The following ZNF438 variants were observed in gnomAD, a reference collection of about 807,000 sequenced individuals.
The protein encoded by ZNF438 is zinc finger protein 438.
In ZNF438, 25 loss-of-function variants were observed where a neutral mutation model predicts 38.0. That is an observed-to-expected ratio of 0.66 (90% CI 0.48 to 0.92). The LOEUF (loss-of-function observed/expected upper bound fraction) is 0.92. Among genes scored for constraint, ZNF438 ranks in the 40% least tolerant of loss-of-function variants. ZNF438 has a pLI of 0.00. For synonymous variants in ZNF438, 372 were observed against 364.1 expected, an observed-to-expected ratio of 1.02 and a Z score of -0.25; for missense variants, 1,007 against 999.6, an observed-to-expected ratio of 1.01 and a Z score of -0.10.
chr10:30,967,801 G>A (rs575208272), intron 1 of ZNF438, among the ~76,000 whole-genome samples: 6 of 152,130 alleles, frequency 3.9e-5, no homozygotes, highest in Non-Finnish European at 7.4e-5. Context: ...AAGCAGGCCA[G>A]AAGGTTACTG....
chr10:30,848,969 A>G (rs1162153623), exon 5 of ZNF438: 1 of 1,614,182 alleles, frequency 6.2e-7, no homozygotes, highest in Non-Finnish European at 8.5e-7. Flanking sequence ...CTTACAGCCA[A>G]GATATTTAGG....
At chr10:30,870,117 T>C (rs2037154483) in intron 4 of ZNF438, among the ~76,000 whole-genome samples, 6 of 152,380 alleles carry the variant, frequency 3.9e-5, no homozygotes, top group Admixed American at 3.3e-4. Flanking sequence ...GCTTTTATTC[T>C]GTAAATTATC....
exon 1 of ZNF438, chr10:31,031,911 G>C (rs370939546): frequency 2.0e-5 from 3 of 152,468 alleles, no homozygotes; most frequent in East Asian, 1.9e-4. Flanking sequence ...ACGGGGCGCG[G>C]GCCGCTGGGC....
chr10:30,844,887 C>G, exon 6 of ZNF438: 1 of 1,525,958 alleles, frequency 6.6e-7, no homozygotes, highest in Non-Finnish European at 8.8e-7. Context: ...TGACTAAGCA[C>G]CACCATAAAG....
chr10:30,930,242 G>T (rs930223273), intron 2 of ZNF438, among the ~76,000 whole-genome samples: 2 of 152,202 alleles, frequency 1.3e-5, no homozygotes, highest in East Asian at 3.9e-4. Context: ...CTGAGACCCG[G>T]CAAGAATTCA....
chr10:30,849,760 G>C (rs747897361), exon 5 of ZNF438: 1 of 1,614,200 alleles, frequency 6.2e-7, no homozygotes, highest in Non-Finnish European at 8.5e-7. Flanking sequence ...TAGCAGGAGG[G>C]TTCAGACTGC....
At chr10:31,014,294 C>T (rs1202193558) in intron 1 of ZNF438, among the ~76,000 whole-genome samples, 1 of 152,198 alleles carries the variant, frequency 6.6e-6, no homozygotes, top group Admixed American at 6.5e-5. Flanking sequence ...TTTATTCTCT[C>T]ACAGCTCTGT....
In ZNF438 at chr10:30,960,601, C is replaced by A. The variant is rs544651661; in HGVS notation, c.-191-18950G>T. ...AATGTTTATTTCTGGACTCTCAATT[C>A]CTCTCCATTGATTTATATGCTTATC... is the stretch of plus-strand genomic sequence containing the variant. On this transcript the variant is annotated intron_variant, in intron 1 of 5. Coordinates refer to ENST00000413025, the Ensembl canonical transcript of ZNF438. Among the ~76,000 whole-genome samples the A allele has an allele frequency of 2.0e-5, 3 of 146,924 alleles. No homozygotes were observed. In the East Asian group the frequency reaches 5.8e-4, roughly 28 times the overall value.
At chr10:30,957,205 T>C (rs2048958656) in intron 1 of ZNF438, among the ~76,000 whole-genome samples, 1 of 152,214 alleles carries the variant, frequency 6.6e-6, no homozygotes, top group African/African-American at 2.4e-5. Context: ...GAAATATCTA[T>C]TCAGATCTTT....
chr10:31,027,594 G>C (rs896020329), intron 1 of ZNF438, among the ~76,000 whole-genome samples: 5 of 152,066 alleles, frequency 3.3e-5, no homozygotes, highest in African/African-American at 1.2e-4. Context: ...AGCATCAATA[G>C]GCTATTGACT....
intron 1 of ZNF438, among the ~76,000 whole-genome samples, chr10:30,952,490 G>C (rs1051963936): frequency 2.0e-5 from 3 of 150,234 alleles, no homozygotes; most frequent in South Asian, 2.1e-4. Context: ...GAAAATTTTC[G>C]CAACCTACTC....
chr10:30,858,526 T>C (rs571016729), intron 4 of ZNF438, among the ~76,000 whole-genome samples: 155 of 152,372 alleles, frequency 1.0e-3, no homozygotes, highest in African/African-American at 3.5e-3. Flanking sequence ...CAGGAATTTA[T>C]TGAGCACTGA....
chr10:30,979,680 T>C (rs2934645), intron 1 of ZNF438, among the ~76,000 whole-genome samples: 6 of 152,138 alleles, frequency 3.9e-5, no homozygotes, highest in African/African-American at 1.4e-4. Flanking sequence ...GTCCTGGATA[T>C]CCTTGTTAAT....
At chr10:30,849,298 A>G (rs1397671370) in exon 5 of ZNF438, 3 of 1,613,962 alleles carry the variant, frequency 1.9e-6, no homozygotes, top group Admixed American at 1.7e-5. Flanking sequence ...TTTTGTGGTT[A>G]AGATCAAGTT....
intron 4 of ZNF438, among the ~76,000 whole-genome samples, chr10:30,850,695 A>C (rs1391794418): frequency 1.3e-5 from 2 of 152,224 alleles, no homozygotes; most frequent in African/African-American, 4.8e-5. Flanking sequence ...TGTATTCTGC[A>C]AGTCCATCCT....
At chr10:31,023,007 G>A (rs2056709787) in intron 1 of ZNF438, among the ~76,000 whole-genome samples, 2 of 152,126 alleles carry the variant, frequency 1.3e-5, no homozygotes, top group African/African-American at 4.8e-5. Context: ...GACTTATAAT[G>A]ATTTAAAATT....
chr10:31,024,083 A>C (rs995701753), intron 1 of ZNF438, among the ~76,000 whole-genome samples: 1 of 152,208 alleles, frequency 6.6e-6, no homozygotes, highest in Admixed American at 6.5e-5. Flanking sequence ...GTTTCAAGAA[A>C]CCTAATTAAG....
chr10:31,004,996 A>T (rs2054989335), intron 1 of ZNF438, among the ~76,000 whole-genome samples: 1 of 152,240 alleles, frequency 6.6e-6, no homozygotes, highest in Non-Finnish European at 1.5e-5. Flanking sequence ...GAGAAACCTC[A>T]TACACTGTTG....
chr10:30,947,809 T>A lies in ZNF438; in HGVS notation c.-191-6158A>T, dbSNP rs976216405. Among the ~76,000 whole-genome samples the A allele has an allele frequency of 3.3e-5, 5 of 152,304 alleles. No individual in the cohort carries two copies. The East Asian group carries it at 9.7e-4, about 29-fold the overall frequency. ...TTTTCCAGGTGCCATCTGTCACCCC[T>A]TTCTTTGACTCGGAAAGGGAACTCC... On this transcript the variant is annotated intron_variant, in intron 1 of 5. Coordinates refer to ENST00000413025, the Ensembl canonical transcript of ZNF438.
Sources: gnomAD v4.1 joint callset for allele counts (sites outside exome capture counted in the v4.1 genomes callset) on GRCh38, gnomAD v4.1.1 for gene constraint, MANE v1.5 for transcripts, NCBI Gene and HGNC (gene_info 2026-07-23, HGNC 2026-07-21) for gene names.